Variants in SIMC1 observed in about 807,000 individuals in gnomAD.
The protein encoded by SIMC1 is SUMO-interacting motif-containing protein 1.
SIMC1 carries 55 observed loss-of-function variants against 82.3 expected under a neutral mutation model. That is an observed-to-expected ratio of 0.67 (90% CI 0.54 to 0.84). The LOEUF (loss-of-function observed/expected upper bound fraction) is 0.84. Ranked by LOEUF, SIMC1 falls within the 40% of genes least tolerant of loss-of-function variation. SIMC1 has a pLI of 0.00. For missense variants in SIMC1, 915 were observed against 1,107.2 expected (o/e 0.83, Z 2.46); for synonymous variants, 353 against 426.3 (o/e 0.83, Z 2.12).
At chr5:176,305,958 C>T (rs1486218167) in intron 4 of SIMC1, among the ~76,000 whole-genome samples, 2 of 77,992 alleles carry the variant, frequency 2.6e-5, no homozygotes, top group Non-Finnish European at 5.6e-5. Context: ...TCTGCCCGGC[C>T]AGCCGCCCCA....
intron 1 of SIMC1, among the ~76,000 whole-genome samples, chr5:176,257,972 G>A (rs1429781419): frequency 1.3e-5 from 2 of 152,164 alleles, no homozygotes; most frequent in African/African-American, 4.8e-5. Context: ...AGGTAAAATT[G>A]CACCAGTTCA....
intron 1 of SIMC1, among the ~76,000 whole-genome samples, chr5:176,280,772 G>A (rs928748888): frequency 1.4e-4 from 21 of 152,242 alleles, no homozygotes; most frequent in African/African-American, 2.6e-4. Flanking sequence ...AGTCTCTTCC[G>A]GCTTGTAGAG....
In SIMC1 at chr5:176,345,239, C is replaced by T. The variant is rs772659403; in HGVS notation, c.2470C>T (p.Pro824Ser). 10 of 1,613,800 alleles carry T rather than the reference C, an allele frequency of 6.2e-6. No homozygotes were observed. The highest frequency in any genetic ancestry group is 8.5e-6 in the Non-Finnish European group (10 of 1,179,872). ...GGACTTAATAATCAAAAGGATTAAG[C>T]CCAAACCCCAGCAAGGAGATGACAT... ...RKDLIIKRIK[P>S]KPQQGDDITV... Residue 824 changes from proline (P) to serine (S), a missense_variant, in exon 10 of 10, where the codon CCC becomes TCC. This residue lies in a region of SIMC1 where 902 missense variants were observed against 1,040.3 expected (regional missense o/e 0.87). Coordinates refer to ENST00000429602, the MANE Select transcript of SIMC1 (RefSeq NM_001308195.2).
rs564656014 is a variant in SIMC1 at position 176,303,646 on chromosome 5, A to G, written c.1734+7326A>G. Among the ~76,000 whole-genome samples the G allele has an allele frequency of 6.6e-5, 10 of 152,326 alleles. No homozygotes were observed. In the East Asian group the frequency reaches 1.9e-3, roughly 29 times the overall value. On this transcript the variant is annotated intron_variant, in intron 4 of 9. Transcript: ENST00000429602. Reference sequence around the variant, plus strand: ...GTCAAAGCAATCTTGAAATAAAAAGAACAAAGTTGGAGTTCTCACACTTCT... The same window carrying G: ...GTCAAAGCAATCTTGAAATAAAAAGGACAAAGTTGGAGTTCTCACACTTCT...
At chr5:176,305,143 G>GT (rs1764259010) in intron 4 of SIMC1, among the ~76,000 whole-genome samples, 1 of 127,850 alleles carries the variant, frequency 7.8e-6, no homozygotes, top group Non-Finnish European at 1.8e-5. Context: ...AGGAGGGGGG[G>GT]GGGGTCAGCC....
chr5:176,313,302 T>C, intron 4 of SIMC1: 4 of 1,453,742 alleles, frequency 2.8e-6, no homozygotes, highest in Non-Finnish European at 3.6e-6. Flanking sequence ...GGTTGATAGG[T>C]TCAGTGAGAG....
intron 1 of SIMC1, among the ~76,000 whole-genome samples, chr5:176,240,424 A>G (rs1761243551): frequency 9.7e-6 from 1 of 102,636 alleles, no homozygotes; most frequent in African/African-American, 3.6e-5. Flanking sequence ...TCTTTCACAT[A>G]CGTACATGGG....
chr5:176,343,763 G>A (rs1051753278), intron 9 of SIMC1, among the ~76,000 whole-genome samples: 7 of 151,880 alleles, frequency 4.6e-5, no homozygotes, highest in South Asian at 2.1e-4. Context: ...TCACACTCAC[G>A]AAACTTTTCT....
chr5:176,273,772 G>A (rs1174475178), intron 1 of SIMC1, among the ~76,000 whole-genome samples: 1 of 152,000 alleles, frequency 6.6e-6, no homozygotes, highest in African/African-American at 2.4e-5. Flanking sequence ...TTTTGTTCTT[G>A]CGATAGTTTA....
chr5:176,322,527 C>A, intron 6 of SIMC1, 102 bp downstream of exon 6: 1 of 1,332,040 alleles, frequency 7.5e-7, no homozygotes, highest in Non-Finnish European at 1.0e-6. Flanking sequence ...TTAACAAGAT[C>A]TTAGAACATA....
intron 9 of SIMC1, among the ~76,000 whole-genome samples, chr5:176,337,437 T>TA (rs1357211481): frequency 1.3e-5 from 2 of 152,046 alleles, no homozygotes; most frequent in African/African-American, 4.8e-5. Flanking sequence ...CTACTAAAAA[T>TA]ACAAAAATTA....
intron 1 of SIMC1, among the ~76,000 whole-genome samples, chr5:176,267,221 G>C (rs1762236720): frequency 9.0e-6 from 1 of 110,812 alleles, no homozygotes; most frequent in Admixed American, 9.8e-5. Context: ...ATTGTACATA[G>C]GGAACAACAG....
At chr5:176,274,802 G>C (rs926054841) in intron 1 of SIMC1, among the ~76,000 whole-genome samples, 1 of 151,744 alleles carries the variant, frequency 6.6e-6, no homozygotes, top group Admixed American at 6.6e-5. Flanking sequence ...GTTTGTCAAA[G>C]ATCAGATGGT....
intron 9 of SIMC1, among the ~76,000 whole-genome samples, chr5:176,342,037 T>C (rs1766173245): frequency 1.3e-5 from 2 of 152,212 alleles, no homozygotes; most frequent in Non-Finnish European, 2.9e-5. Flanking sequence ...ACTGCTAACA[T>C]TTGCTTCTTT....
chr5:176,325,654 C>G (rs1030556495), intron 7 of SIMC1, among the ~76,000 whole-genome samples: 26 of 152,110 alleles, frequency 1.7e-4, no homozygotes, highest in Non-Finnish European at 3.4e-4. Flanking sequence ...CCACTGCACT[C>G]TAGCCTGGGT....
intron 4 of SIMC1, among the ~76,000 whole-genome samples, chr5:176,305,255 G>A (rs1476223154): frequency 5.8e-5 from 2 of 34,224 alleles, no homozygotes; most frequent in Non-Finnish European, 1.3e-4. Flanking sequence ...CTGCCCGGCC[G>A]CCCCTACTGG....
intron 7 of SIMC1, among the ~76,000 whole-genome samples, chr5:176,330,409 A>G (rs1765596995): frequency 6.6e-6 from 1 of 152,022 alleles, no homozygotes; most frequent in African/African-American, 2.4e-5. Context: ...TCAAAAAAAA[A>G]AAAAAAAGGG....
rs185093962 is a variant in SIMC1, at chr5:176,289,640, C to A, written c.130-14C>A. ...CCCATCTTGACCTCTTTTCTTCACA[C>A]AATCCTTCAACAGGACTTCATTGAC... On this transcript the variant is annotated splice_polypyrimidine_tract_variant and intron_variant, in intron 1 of 9. Transcript: ENST00000429602. 286 of 1,560,542 alleles carry A rather than the reference C, an allele frequency of 1.8e-4. No homozygotes were observed. In the East Asian group the frequency reaches 5.7e-3, roughly 31 times the overall value.
chr5:176,315,155 C>G (rs948226509), intron 5 of SIMC1, among the ~76,000 whole-genome samples: 14 of 152,118 alleles, frequency 9.2e-5, no homozygotes, highest in African/African-American at 3.4e-4. Flanking sequence ...ACAAGTTGTA[C>G]AAGAAGCGTG....
Sources: gnomAD v4.1 joint callset for allele counts (sites outside exome capture counted in the v4.1 genomes callset) on GRCh38, gnomAD v4.1.1 for gene constraint, gnomAD v4.1.1 regional missense constraint, MANE v1.5 for transcripts, NCBI Gene and HGNC (gene_info 2026-07-23, HGNC 2026-07-21) for gene names.